The following DNAH1 variants were observed in gnomAD, a reference collection of about 807,000 sequenced individuals.
DNAH1 encodes the protein axonemal beta dynein heavy chain 1.
In DNAH1, 327 loss-of-function variants were observed where a neutral mutation model predicts 484.3. The observed-to-expected ratio is 0.68, with a 90% CI of 0.62 to 0.74. The LOEUF is 0.74. Ranked by LOEUF, DNAH1 falls within the 30% of genes least tolerant of loss-of-function variation. The pLI is 0.00. For synonymous variants in DNAH1, 2,192 were observed against 2,191.9 expected, an observed-to-expected ratio of 1.00 and a Z score of 0.00; for missense variants, 5,052 against 5,546.8, an observed-to-expected ratio of 0.91 and a Z score of 2.83.
At position 52,379,835 on chromosome 3, in the gene DNAH1, G is replaced by A. The variant is rs1023951673; in HGVS notation, c.7378-70G>A. On this transcript the variant is annotated intron_variant, in intron 47 of 77. Transcript: ENST00000420323. The surrounding 1 kb of genome is among the most constrained non-coding windows in gnomAD (Gnocchi z 4.4). The stretch of plus-strand genomic sequence containing the variant: ...CAGGAACTGGGGCCCACCCTCCCTT[G>A]CCTGGTGGTTTGAGAGATAGCTGAG... The A allele has an allele frequency of 3.6e-6, 5 of 1,400,770 alleles. No individual in the cohort carries two copies. Among genetic ancestry groups the A allele is most frequent in the Non-Finnish European group, 4.9e-6 (5 of 1,029,620 alleles). The allele number at this position is 1,400,770 out of a possible 1,614,324, so 86.8% of individuals were successfully genotyped here.
chr3:52,382,549 C>T (rs1578182006), intron 50 of DNAH1, 94 bp downstream of exon 50: 1 of 1,550,302 alleles, frequency 6.5e-7, no homozygotes, highest in African/African-American at 1.4e-5. Context: ...CCTTCATGCC[C>T]AGCTCACAGT....
chr3:52,387,705 A>T (rs1456575913), intron 56 of DNAH1, among the ~76,000 whole-genome samples: 3 of 152,174 alleles, frequency 2.0e-5, no homozygotes, highest in Admixed American at 2.0e-4. Flanking sequence ...CTCGTGAGCA[A>T]TGCAAATACC....
At position 52,353,669 on chromosome 3, in the gene DNAH1, A is replaced by T. The variant is rs914393324; in HGVS notation, c.3480+36A>T. On this transcript the variant is annotated intron_variant, in intron 20 of 77. Coordinates refer to ENST00000420323, the MANE Select transcript of DNAH1 (RefSeq NM_015512.5). This position sits in a 1 kb window ranked among gnomAD's most constrained non-coding sequence, Gnocchi z 5.0. ...ACCAGCGGGCCCAGCCACTCCAGCCAGGCCCTGCCGGACAGCCTGACCTCC... is the reference window on the plus strand; with the variant it reads ...ACCAGCGGGCCCAGCCACTCCAGCCTGGCCCTGCCGGACAGCCTGACCTCC... 1.5e-5 allele frequency: 24 copies of T among 1,558,524 alleles called. No homozygotes were observed. The highest frequency in any genetic ancestry group is 2.0e-5 in the Non-Finnish European group (23 of 1,153,388).
Position 52,370,744 on chromosome 3 carries a change from GC to G in DNAH1, c.6445del (p.Leu2149TrpfsTer31). 1 of 1,606,214 alleles carries G rather than the reference GC, an allele frequency of 6.2e-7. No homozygotes were observed. The highest frequency in any genetic ancestry group is 8.5e-7 in the Non-Finnish European group (1 of 1,176,672). ...QLTLLFPEEG[L>X]VFDYRLEDAG... ...TGACTCTGCTTTTCCCAGAAGAGGG[GC>G]TGGTGTTCGATTACAGGCTGGAGGA... On this transcript the variant is annotated frameshift_variant, in exon 41 of 78. Transcript: ENST00000420323. LOFTEE classifies it high-confidence loss of function.
At position 52,361,140 on chromosome 3, in the gene DNAH1, G is replaced by A; in HGVS notation, c.4686-24G>A. The stretch of plus-strand genomic sequence containing the variant: ...AGTGTCCAGGCCATGTGCGGCCCGA[G>A]CCCACCTCCTCTGTCTCCTGCAGGT... On this transcript the variant is annotated intron_variant, in intron 28 of 77. Transcript: ENST00000420323. The surrounding 1 kb of genome is among the most constrained non-coding windows in gnomAD (Gnocchi z 5.6). 2.6e-6 allele frequency: 4 copies of A among 1,528,076 alleles called. No homozygotes were observed. The highest frequency in any genetic ancestry group is 3.5e-6 in the Non-Finnish European group (4 of 1,139,054). 94.7% of individuals were successfully genotyped at this position (1,528,076 alleles called of 1,614,324 possible).
Position 52,379,864 on chromosome 3 carries a change from T to C in DNAH1, c.7378-41T>C. 6.6e-7 allele frequency: 1 copy of C among 1,523,242 alleles called. No individual in the cohort carries two copies. Among genetic ancestry groups the C allele is most frequent in the Non-Finnish European group, 8.9e-7 (1 of 1,126,290 alleles). 94.4% of individuals were successfully genotyped at this position (1,523,242 alleles called of 1,614,324 possible). On this transcript the variant is annotated intron_variant, in intron 47 of 77. Coordinates refer to ENST00000420323, the MANE Select transcript of DNAH1 (RefSeq NM_015512.5). The surrounding 1 kb of genome is among the most constrained non-coding windows in gnomAD (Gnocchi z 4.4). ...GGTGGTTTGAGAGATAGCTGAGGGC[T>C]TGGGGGCCAAGGACAGGCACCGATG...
intron 41 of DNAH1, among the ~76,000 whole-genome samples, 200 bp from the exon 42 acceptor site, chr3:52,371,746 T>A (rs1703346666): frequency 6.6e-6 from 1 of 152,230 alleles, no homozygotes; most frequent in South Asian, 2.1e-4. Flanking sequence ...CTTGGCTGTT[T>A]GTGCTGGGAG....
chr3:52,379,895 G>T lies in DNAH1; in HGVS notation c.7378-10G>T. On this transcript the variant is annotated splice_polypyrimidine_tract_variant and intron_variant, in intron 47 of 77. Transcript: ENST00000420323. The surrounding 1 kb of genome is among the most constrained non-coding windows in gnomAD (Gnocchi z 4.4). Reference sequence around the variant, plus strand: ...GCCAAGGACAGGCACCGATGCTGGGGCTACTGCAGGACCAAGTGCAGCTGC... The same window carrying T: ...GCCAAGGACAGGCACCGATGCTGGGTCTACTGCAGGACCAAGTGCAGCTGC... 6.4e-7 allele frequency: 1 copy of T among 1,552,900 alleles called. No homozygotes were observed. The highest frequency in any genetic ancestry group is 8.7e-7 in the Non-Finnish European group (1 of 1,147,842).
Position 52,380,047 on chromosome 3 carries a change from T to G in DNAH1, c.7520T>G (p.Val2507Gly). Residue 2507 changes from valine to glycine, a missense_variant, in exon 48 of 78, where the codon GTC becomes GGC. By Grantham distance (109) the Val-to-Gly change is moderately radical. Transcript: ENST00000420323. ...MEQWEVTFNKVCPFQPILYGD... is the reference protein window; with the variant it reads ...MEQWEVTFNKGCPFQPILYGD... ...CAGTGGGAGGTGACCTTCAACAAGG[T>G]CTGCCCCTTCCAGCCCATTCTTTAC... 6.2e-7 allele frequency: 1 copy of G among 1,602,628 alleles called. No individual in the cohort carries two copies. Among genetic ancestry groups the G allele is most frequent in the Non-Finnish European group, 8.5e-7 (1 of 1,174,658 alleles).
chr3:52,378,958 A>C (rs1355909531), intron 47 of DNAH1, among the ~76,000 whole-genome samples, 178 bp downstream of exon 47: 2 of 152,186 alleles, frequency 1.3e-5, no homozygotes, highest in African/African-American at 4.8e-5. Context: ...TTGTTAGTTG[A>C]ACCCACACCT....
chr3:52,383,201 T>C (rs1276382692), intron 50 of DNAH1, among the ~76,000 whole-genome samples, 185 bp from the exon 51 acceptor site: 1 of 152,138 alleles, frequency 6.6e-6, no homozygotes, highest in Non-Finnish European at 1.5e-5. Context: ...AGCTTCTACA[T>C]GGGGGCAAGT....
In DNAH1 at chr3:52,334,854, GT is replaced by G. The variant is rs35616652; in HGVS notation, c.1286+2472del. Among the ~76,000 whole-genome samples, 619 of 141,974 alleles carry G rather than the reference GT, an allele frequency of 4.4e-3. 5 individuals carry two copies. The highest frequency in any genetic ancestry group is 0.026 in the South Asian group (112 of 4,312). 93.1% of individuals were successfully genotyped at this position (141,974 alleles called of 152,430 possible). On this transcript the variant is annotated intron_variant, in intron 8 of 77. Transcript: ENST00000420323. ...CTTACTTTAACTTTTCTTTCTTTCT[GT>G]TTTTTTTTTTTGAGACAGAGTCTCG...
In DNAH1 at chr3:52,389,548, G is replaced by T. The variant is rs868500538; in HGVS notation, c.9583G>T (p.Gly3195Trp). The T allele has an allele frequency of 1.3e-6, 2 of 1,541,854 alleles. No homozygotes were observed. The highest frequency in any genetic ancestry group is 1.2e-5 in the South Asian group (1 of 82,986). Residue 3195 changes from glycine to tryptophan, a missense_variant, in exon 60 of 78, where the codon GGG (glycine) becomes TGG (tryptophan). Around this residue, in one of 4 missense-constraint regions of DNAH1, gnomAD observed 2,929 missense variants for 3,409.4 expected, o/e 0.86. Coordinates refer to ENST00000420323, the MANE Select transcript of DNAH1 (RefSeq NM_015512.5). The part of the protein sequence containing the change: ...VPHTSEPTLI[G>W]TLGNPVKIRS... ...ACACACCTCCGAGCCCACGCTAATCGGGACGCTGGGGAACCCTGTGAAGAT... is the reference window on the plus strand; with the variant it reads ...ACACACCTCCGAGCCCACGCTAATCTGGACGCTGGGGAACCCTGTGAAGAT...
Position 52,388,181 on chromosome 3 carries a change from T to G in DNAH1, c.9018T>G (p.Asp3006Glu). ...TCCCACCTCAGGACAACATTGGGGA[T>G]GTGGTGATCAAAGCCATCCAGCCGT... Reference protein sequence around the residue: ...LFKFDKDNIGDVVIKAIQPYI... With the variant: ...LFKFDKDNIGEVVIKAIQPYI... Residue 3006 changes from aspartate to glutamate, a missense_variant, in exon 57 of 78, where the codon GAT becomes GAG. Physicochemically the swap from Asp to Glu is conservative, Grantham distance 45 (BLOSUM62 2). Coordinates refer to ENST00000420323, the MANE Select transcript of DNAH1 (RefSeq NM_015512.5). 6.2e-7 allele frequency: 1 copy of G among 1,609,592 alleles called. No individual in the cohort carries two copies. Among genetic ancestry groups the G allele is most frequent in the Non-Finnish European group, 8.5e-7 (1 of 1,178,162 alleles).
chr3:52,365,371 C>G (rs1703031062), intron 34 of DNAH1, among the ~76,000 whole-genome samples: 1 of 152,234 alleles, frequency 6.6e-6, no homozygotes, highest in South Asian at 2.1e-4. Context: ...CCCAGCCCAC[C>G]TCACCACAGC....
Position 52,353,043 on chromosome 3 carries a change from A to G in DNAH1, c.3028-60A>G. On this transcript the variant is annotated intron_variant, in intron 18 of 77. Coordinates refer to ENST00000420323, the MANE Select transcript of DNAH1 (RefSeq NM_015512.5). This position sits in a 1 kb window ranked among gnomAD's most constrained non-coding sequence, Gnocchi z 5.0. ...AGGACCTGGCCCAAGAAGGGGCAACATGGAGAGAGACTGGGAAGTGTCCCA... is the reference window on the plus strand; with the variant it reads ...AGGACCTGGCCCAAGAAGGGGCAACGTGGAGAGAGACTGGGAAGTGTCCCA... 2.6e-6 allele frequency: 4 copies of G among 1,522,540 alleles called. No homozygotes were observed. Among genetic ancestry groups the G allele is most frequent in the East Asian group, 2.3e-5 (1 of 43,928 alleles). The allele number at this position is 1,522,540 out of a possible 1,614,324, so 94.3% of individuals were successfully genotyped here. A position where few individuals can be genotyped will look rare whatever the true frequency, so the allele number is the denominator to read the frequency against.
chr3:52,373,758 G>A, intron 44 of DNAH1: 1 of 1,405,978 alleles, frequency 7.1e-7, no homozygotes, highest in Non-Finnish European at 1.0e-6. Flanking sequence ...AAAGTAGAAG[G>A]AATTAAAACG....
chr3:52,363,323 G>C (rs1019643229), intron 32 of DNAH1, among the ~76,000 whole-genome samples, 179 bp downstream of exon 32: 11 of 152,252 alleles, frequency 7.2e-5, no homozygotes, highest in African/African-American at 2.7e-4. Flanking sequence ...TGAGGACACC[G>C]AGGTCCTAGG....
chr3:52,397,639 TGGAG>T, intron 73 of DNAH1, 64 bp from the exon 74 acceptor site: 5 of 1,426,448 alleles, frequency 3.5e-6, no homozygotes, highest in Non-Finnish European at 4.8e-6. Context: ...TGTGCTCCAT[TGGAG>T]GGTAACTCTG....
Sources: allele counts gnomAD v4.1 joint callset (sites outside exome capture counted in the v4.1 genomes callset), GRCh38; gene constraint gnomAD v4.1.1; regional missense constraint gnomAD v4.1.1; non-coding constraint Gnocchi (gnomAD v3.1); transcripts MANE v1.5; gene names NCBI Gene and HGNC (gene_info 2026-07-23, HGNC 2026-07-21).